GBE1: variants seen among roughly 807,000 people sequenced by gnomAD.
The protein encoded by GBE1 is 1,4-alpha-glucan branching enzyme 1.
In GBE1, 70 loss-of-function variants were observed where a neutral mutation model predicts 88.8. That is an observed-to-expected ratio of 0.79 (90% CI 0.65 to 0.96). The LOEUF (loss-of-function observed/expected upper bound fraction) is 0.96. Among genes scored for constraint, GBE1 ranks in the 40% least tolerant of loss-of-function variants. GBE1 has a pLI of 0.00. For missense variants in GBE1, 872 were observed against 871.0 expected (o/e 1.00, Z -0.01); for synonymous variants, 284 against 300.1 (o/e 0.95, Z 0.56).
At chr3:81,635,471 G>A (rs1704579548) in intron 7 of GBE1, among the ~76,000 whole-genome samples, 2 of 152,128 alleles carry the variant, frequency 1.3e-5, no homozygotes, top group South Asian at 4.1e-4. Context: ...GAAAGTAAGT[G>A]ACTCAATGTA....
intron 7 of GBE1, among the ~76,000 whole-genome samples, chr3:81,600,525 T>A (rs114624060): frequency 1.5e-3 from 227 of 152,208 alleles, no homozygotes; most frequent in African/African-American, 5.3e-3. Flanking sequence ...TTGGCTCTAA[T>A]CAGCATAAAA....
In GBE1 at chr3:81,510,653, G is replaced by A. The variant is rs559872311; in HGVS notation, c.1935-11426C>T. On this transcript the variant is annotated intron_variant, in intron 14 of 15. Coordinates refer to ENST00000429644, the MANE Select transcript of GBE1 (RefSeq NM_000158.4). ...GTACATTTTATACTGTTTGGGTGAT[G>A]GGTGCACCAAAATCTCAATCACCAC... Among the ~76,000 whole-genome samples, 3 of 152,116 alleles carry A rather than the reference G, an allele frequency of 2.0e-5. No individual in the cohort carries two copies. In the South Asian group the frequency reaches 6.2e-4, roughly 32 times the overall value.
At chr3:81,500,027 AATGTT>A (rs1274730781) in intron 14 of GBE1, among the ~76,000 whole-genome samples, 6 of 152,286 alleles carry the variant, frequency 3.9e-5, no homozygotes, top group African/African-American at 1.4e-4. Context: ...TAATCTCAGA[AATGTT>A]AGTATATTAT....
chr3:81,514,026 T>G (rs1702760649), intron 14 of GBE1, among the ~76,000 whole-genome samples: 1 of 151,688 alleles, frequency 6.6e-6, no homozygotes, highest in South Asian at 2.1e-4. Flanking sequence ...CTTTGTTACA[T>G]GAGCCAATGG....
intron 11 of GBE1, among the ~76,000 whole-genome samples, chr3:81,580,292 G>A (rs530609758): frequency 1.3e-5 from 2 of 152,082 alleles, no homozygotes; most frequent in Admixed American, 6.6e-5. Flanking sequence ...ATCAGTCACA[G>A]TGCTAAAGGC....
chr3:81,631,536 A>T (rs1361353195), intron 7 of GBE1, among the ~76,000 whole-genome samples: 1 of 151,954 alleles, frequency 6.6e-6, no homozygotes, highest in Admixed American at 6.6e-5. Flanking sequence ...GGAGATCGAA[A>T]ACATCCTGGC....
At chr3:81,527,745 AG>A (rs1463963621) in intron 14 of GBE1, among the ~76,000 whole-genome samples, 3 of 152,124 alleles carry the variant, frequency 2.0e-5, no homozygotes, top group Non-Finnish European at 4.4e-5. Flanking sequence ...GTGGAGAAAT[AG>A]GAACACTTTT....
chr3:81,505,941 A>G (rs1702647152), intron 14 of GBE1, among the ~76,000 whole-genome samples: 2 of 152,150 alleles, frequency 1.3e-5, no homozygotes. Context: ...TGGATTAAAG[A>G]CTTAAATCTA....
chr3:81,670,197 A>G (rs1480494331), intron 3 of GBE1, among the ~76,000 whole-genome samples: 1 of 152,228 alleles, frequency 6.6e-6, no homozygotes, highest in Non-Finnish European at 1.5e-5. Context: ...TTGATGAGAC[A>G]AGAGCAGCCG....
chr3:81,562,634 A>AT (rs139218127), intron 12 of GBE1, among the ~76,000 whole-genome samples: 1 of 152,134 alleles, frequency 6.6e-6, no homozygotes, highest in Non-Finnish European at 1.5e-5. Context: ...CTCTGAGTAA[A>AT]TTTTCAAGAA....
chr3:81,619,924 C>T (rs1704301767), intron 7 of GBE1, among the ~76,000 whole-genome samples: 1 of 151,198 alleles, frequency 6.6e-6, no homozygotes, highest in Admixed American at 6.6e-5. Flanking sequence ...AAAACCTTTT[C>T]ATAGCAAGTT....
intron 2 of GBE1, among the ~76,000 whole-genome samples, chr3:81,673,373 T>A (rs1373210736): frequency 6.6e-6 from 1 of 151,804 alleles, no homozygotes; most frequent in Non-Finnish European, 1.5e-5. Flanking sequence ...CAAACCAAAT[T>A]TAGTGCTCTA....
chr3:81,760,697 A>T (rs185556489), intron 1 of GBE1, among the ~76,000 whole-genome samples: 101 of 152,356 alleles, frequency 6.6e-4, no homozygotes, highest in Non-Finnish European at 1.2e-3. Context: ...AGCTAAAACG[A>T]CATTGGCCTG....
At chr3:81,677,371 T>C (rs923074307) in intron 2 of GBE1, among the ~76,000 whole-genome samples, 1 of 152,110 alleles carries the variant, frequency 6.6e-6, no homozygotes, top group African/African-American at 2.4e-5. Flanking sequence ...TCCCATCCCA[T>C]CTGAAAGGAT....
chr3:81,674,471 T>C (rs1185671077), intron 2 of GBE1, among the ~76,000 whole-genome samples: 8 of 151,822 alleles, frequency 5.3e-5, no homozygotes, highest in Non-Finnish European at 8.8e-5. Flanking sequence ...CAGGAACCAA[T>C]CATGGAAGCA....
chr3:81,710,684 A>G (rs1427866370), intron 1 of GBE1, among the ~76,000 whole-genome samples: 5 of 152,164 alleles, frequency 3.3e-5, no homozygotes, highest in African/African-American at 9.7e-5. Flanking sequence ...TATTCAATAA[A>G]TGGTGGCTGG....
intron 1 of GBE1, among the ~76,000 whole-genome samples, chr3:81,750,743 C>A (rs1486574933): frequency 7.2e-6 from 1 of 139,616 alleles, no homozygotes; most frequent in Non-Finnish European, 1.5e-5. Context: ...TACAGTGGCG[C>A]GATCTTGGCT....
At chr3:81,725,371 A>G (rs1361905402) in intron 1 of GBE1, among the ~76,000 whole-genome samples, 1 of 152,142 alleles carries the variant, frequency 6.6e-6, no homozygotes, top group Non-Finnish European at 1.5e-5. Flanking sequence ...AGGATTATCA[A>G]TATCACTGTC....
chr3:81,611,970 T>C (rs1169798201), intron 7 of GBE1, among the ~76,000 whole-genome samples: 2 of 152,022 alleles, frequency 1.3e-5, no homozygotes, highest in South Asian at 2.1e-4. Context: ...AGAAATCATA[T>C]TGGAAAAAAG....
Sources: allele counts gnomAD v4.1 joint callset (sites outside exome capture counted in the v4.1 genomes callset), GRCh38; gene constraint gnomAD v4.1.1; transcripts MANE v1.5; gene names NCBI Gene and HGNC (gene_info 2026-07-23, HGNC 2026-07-21).